The following ZNF565 variants were observed in gnomAD, a reference collection of about 807,000 sequenced individuals.
ZNF565 encodes zinc finger protein 565.
Under a neutral mutation model 39.4 loss-of-function variants are expected in ZNF565, and 27 were observed. That is an observed-to-expected ratio of 0.69 (90% CI 0.51 to 0.95). ZNF565 has a LOEUF of 0.95. Among genes scored for constraint, ZNF565 ranks in the 40% least tolerant of loss-of-function variants. The pLI is 0.00. For missense variants in ZNF565, 524 were observed against 621.1 expected (o/e 0.84, Z 1.66); for synonymous variants, 185 against 216.6 (o/e 0.85, Z 1.28).
At chr19:36,184,780 C>A (rs1168460759) in intron 4 of ZNF565, among the ~76,000 whole-genome samples, 1 of 152,100 alleles carries the variant, frequency 6.6e-6, no homozygotes, top group Non-Finnish European at 1.5e-5. Flanking sequence ...AAATGAAAAT[C>A]TCTGCTTAAA....
At chr19:36,195,203 C>T in intron 2 of ZNF565, 47 bp from the exon 3 acceptor site, 1 of 1,570,400 alleles carries the variant, frequency 6.4e-7, no homozygotes, top group Non-Finnish European at 8.6e-7. Context: ...AAACTTTTTT[C>T]ATTTATTATG....
intron 1 of ZNF565, among the ~76,000 whole-genome samples, chr19:36,227,428 G>A (rs62113115): frequency 0.11 from 16,059 of 150,076 alleles, 1,103 homozygotes; most frequent in Non-Finnish European, 0.15. Flanking sequence ...CTTTTGGAGT[G>A]CAGTGGCTAT....
intron 1 of ZNF565, among the ~76,000 whole-genome samples, chr19:36,229,973 G>A (rs1977252930): frequency 6.6e-6 from 1 of 152,180 alleles, no homozygotes; most frequent in African/African-American, 2.4e-5. Flanking sequence ...GCCTGCCTCG[G>A]CCTCTCAAAG....
chr19:36,241,256 C>T (rs1234329610), intron 1 of ZNF565, among the ~76,000 whole-genome samples: 1 of 151,694 alleles, frequency 6.6e-6, no homozygotes, highest in Non-Finnish European at 1.5e-5. Flanking sequence ...GAGGCCAAGG[C>T]GGGCGGATCA....
intron 1 of ZNF565, among the ~76,000 whole-genome samples, chr19:36,202,254 C>T (rs1256530944): frequency 6.6e-6 from 1 of 152,108 alleles, no homozygotes; most frequent in East Asian, 1.9e-4. Flanking sequence ...GTAAACCCAG[C>T]ACCTTGGGAG....
chr19:36,190,908 C>T (rs1170009943), intron 4 of ZNF565, among the ~76,000 whole-genome samples: 2 of 148,578 alleles, frequency 1.3e-5, no homozygotes, highest in Non-Finnish European at 3.0e-5. Context: ...AGGAGAATTG[C>T]TTGAACCTGG....
At position 36,202,004 on chromosome 19, in the gene ZNF565, A is replaced by G; in HGVS notation, c.-19T>C. The G allele has an allele frequency of 6.2e-7, 1 of 1,614,014 alleles. No individual in the cohort carries two copies. Among genetic ancestry groups the G allele is most frequent in the Non-Finnish European group, 8.5e-7 (1 of 1,179,968 alleles). On this transcript the variant is annotated 5_prime_UTR_variant, in exon 2 of 5. Transcript: ENST00000304116. ...GGGCCATGGCTTTTAGAACTATTTG[A>G]CCTGCTCTGATTTCTCTGGATTCTT...
At chr19:36,185,606 C>A (rs1250599742) in intron 4 of ZNF565, among the ~76,000 whole-genome samples, 1 of 151,880 alleles carries the variant, frequency 6.6e-6, no homozygotes, top group Non-Finnish European at 1.5e-5. Flanking sequence ...TAAATCTAGG[C>A]CTTTTCCATC....
At chr19:36,237,574 C>T (rs1248511675) in intron 1 of ZNF565, 2 of 321,518 alleles carry the variant, frequency 6.2e-6, no homozygotes, top group Non-Finnish European at 1.2e-5. Context: ...AAAGTGGGAA[C>T]AGAAAATGGA....
At chr19:36,192,605 G>A (rs1371258237) in intron 4 of ZNF565, among the ~76,000 whole-genome samples, 1 of 152,050 alleles carries the variant, frequency 6.6e-6, no homozygotes, top group African/African-American at 2.4e-5. Flanking sequence ...TCCAGGTGTG[G>A]TAGCGTGCAC....
intron 1 of ZNF565, among the ~76,000 whole-genome samples, chr19:36,226,809 C>T (rs559064402): frequency 2.6e-5 from 4 of 152,288 alleles, no homozygotes; most frequent in African/African-American, 7.2e-5. Context: ...TTTTGGGCCA[C>T]GTGCAGTGGC....
Position 36,186,836 on chromosome 19 carries a change from T to A in ZNF565, c.233-3103A>T, listed in dbSNP as rs999475139. ...TGTCAGATTGGATAAAATACCAAAA[T>A]CTAGGTGCACAGTAGTAACAAGTAA... On this transcript the variant is annotated intron_variant, in intron 4 of 4. Transcript: ENST00000304116. 4.6e-5 allele frequency among the ~76,000 whole-genome samples: 7 copies of A among 151,708 alleles called. No homozygotes were observed. The South Asian group carries it at 1.2e-3, about 27-fold the overall frequency.
chr19:36,209,348 A>T (rs907405226), intron 1 of ZNF565, among the ~76,000 whole-genome samples: 1 of 152,106 alleles, frequency 6.6e-6, no homozygotes, highest in Non-Finnish European at 1.5e-5. Context: ...CACAAAAATT[A>T]GCTGGGCATG....
chr19:36,195,088 AG>A lies in ZNF565; in HGVS notation c.77del (p.Ala26ValfsTer9). 1 of 1,614,158 alleles carries A rather than the reference AG, an allele frequency of 6.2e-7. No individual in the cohort carries two copies. The highest frequency in any genetic ancestry group is 8.5e-7 in the Non-Finnish European group (1 of 1,180,038). On this transcript the variant is annotated frameshift_variant, in exon 3 of 5. Coordinates refer to ENST00000304116, the MANE Select transcript of ZNF565 (RefSeq NM_152477.5). LOFTEE classifies it high-confidence loss of function. ...TCACCTCCCTGTACAAGTCCCTCTGAGCAGGTTCCAGGCACTTCCATTCTTC... is the reference window on the plus strand; with the variant it reads ...TCACCTCCCTGTACAAGTCCCTCTGACAGGTTCCAGGCACTTCCATTCTTC... ...SLEEWKCLEP[A>X]QRDLYREVTL...
intron 1 of ZNF565, among the ~76,000 whole-genome samples, chr19:36,241,752 A>G (rs1455186929): frequency 1.4e-5 from 2 of 141,724 alleles, no homozygotes; most frequent in African/African-American, 5.4e-5. Flanking sequence ...AGATTGTGCC[A>G]CTGCACTCCA....
chr19:36,227,114 C>T (rs909663401), intron 1 of ZNF565, among the ~76,000 whole-genome samples: 5 of 141,410 alleles, frequency 3.5e-5, no homozygotes, highest in African/African-American at 1.1e-4. Context: ...TTTGGCTGGG[C>T]GCAGTGGCTC....
Position 36,245,259 on chromosome 19 carries a change from C to T in ZNF565, c.55+217G>A, listed in dbSNP as rs1318487054. ...AGAGCTACAGGGTTTTCTCCCTCCC[C>T]TGAGACTCTAACGCGTGCACCAACT... On this transcript the variant is annotated intron_variant, in intron 1 of 4. Coordinates refer to the ZNF565 transcript ENST00000355114. The surrounding 1 kb of genome is among the most constrained non-coding windows in gnomAD (Gnocchi z 4.4). Among the ~76,000 whole-genome samples, 6 of 152,172 alleles carry T rather than the reference C, an allele frequency of 3.9e-5. No individual in the cohort carries two copies. Among genetic ancestry groups the T allele is most frequent in the Admixed American group, 6.5e-5 (1 of 15,286 alleles).
At chr19:36,185,940 C>T (rs1975281697) in intron 4 of ZNF565, among the ~76,000 whole-genome samples, 3 of 151,654 alleles carry the variant, frequency 2.0e-5, no homozygotes, top group Non-Finnish European at 1.5e-5. Context: ...GTAATCCGCC[C>T]ACCTCGGCCT....
intron 1 of ZNF565, among the ~76,000 whole-genome samples, chr19:36,240,349 A>G (rs1977777145): frequency 6.6e-6 from 1 of 152,172 alleles, no homozygotes; most frequent in African/African-American, 2.4e-5. Context: ...TGAGCCCAGG[A>G]GTTTGAGGCT....
Sources: allele counts gnomAD v4.1 joint callset (sites outside exome capture counted in the v4.1 genomes callset), GRCh38; gene constraint gnomAD v4.1.1; non-coding constraint Gnocchi (gnomAD v3.1); transcripts MANE v1.5; gene names NCBI Gene and HGNC (gene_info 2026-07-23, HGNC 2026-07-21).